The following ZDHHC19 variants were observed in gnomAD, a reference collection of about 807,000 sequenced individuals.
The protein encoded by ZDHHC19 is zDHHC palmitoyltransferase 19.
ZDHHC19 carries 30 observed loss-of-function variants against 33.9 expected under a neutral mutation model. The ratio of observed to expected loss-of-function variants is 0.88; its 90% CI spans 0.66 to 1.20. ZDHHC19 has a LOEUF of 1.20. Ranked by LOEUF, ZDHHC19 falls within the 50% of genes most tolerant of loss-of-function variation. The pLI is 0.00. For missense variants in ZDHHC19, 364 were observed against 401.1 expected, an observed-to-expected ratio of 0.91 and a Z score of 0.79; for synonymous variants, 178 against 167.6, an observed-to-expected ratio of 1.06 and a Z score of -0.48.
intron 5 of ZDHHC19, among the ~76,000 whole-genome samples, chr3:196,200,236 C>A (rs1722154526): frequency 1.3e-5 from 2 of 150,722 alleles, no homozygotes; most frequent in South Asian, 4.2e-4. Context: ...GATTACGCCA[C>A]TGCACTCCAG....
chr3:196,198,953 G>C (rs1722024995), intron 5 of ZDHHC19, 79 bp from the exon 6 acceptor site: 2 of 1,453,812 alleles, frequency 1.4e-6, no homozygotes, highest in South Asian at 2.3e-5. Context: ...CCCTCCCTGA[G>C]CTGGTCAGCT....
chr3:196,210,539 G>T (rs6795707), intron 2 of ZDHHC19, 77 bp downstream of exon 2: 240,332 of 1,596,488 alleles, frequency 0.15, 20,077 homozygotes, highest in East Asian at 0.34. Context: ...TCAGTAGGAA[G>T]AGCACTTTAG....
intron 4 of ZDHHC19, among the ~76,000 whole-genome samples, chr3:196,207,931 T>TTTTTC (rs778723700): frequency 1.6e-4 from 20 of 123,792 alleles, no homozygotes; most frequent in South Asian, 2.7e-4. Flanking sequence ...GCCAGATTCC[T>TTTTTC]TTTTCTTTTC....
intron 5 of ZDHHC19, chr3:196,202,228 G>A (rs9861052): frequency 0.17 from 26,474 of 152,060 alleles, 2,826 homozygotes; most frequent in East Asian, 0.43. Context: ...GGCTGAGGCC[G>A]GAGAATCACT....
intron 5 of ZDHHC19, among the ~76,000 whole-genome samples, chr3:196,200,601 A>C (rs545705213): frequency 6.8e-6 from 1 of 146,524 alleles, no homozygotes; most frequent in East Asian, 2.0e-4. Flanking sequence ...TGATCCGCCC[A>C]CCTTGGCCTC....
intron 4 of ZDHHC19, 52 bp downstream of exon 4, chr3:196,208,336 C>G (rs12497404): frequency 0.54 from 858,660 of 1,578,844 alleles, 235,232 homozygotes; most frequent in South Asian, 0.59. Context: ...CTCTGCAGCC[C>G]CCTCCTTGGC....
chr3:196,208,416 G>A lies in ZDHHC19; in HGVS notation c.553C>T (p.Leu185=), dbSNP rs377570322. 2 of 1,614,002 alleles carry A rather than the reference G, an allele frequency of 1.2e-6. No homozygotes were observed. The highest frequency in any genetic ancestry group is 2.7e-5 in the African/African-American group (2 of 74,934). ...ATGGCCTTGTCGGTGGAGAAGGGCA[G>A]GTGGGTTGTGCGCACCAGGAAGATG... ...CLIFLVRTTH[L]PFSTDKAIAI... is the part of the protein sequence containing the mutation. The change falls in exon 4 of 8, where the codon CTG becomes TTG. Residue 185 remains leucine, a synonymous_variant. Coordinates refer to ENST00000296326, the MANE Select transcript of ZDHHC19 (RefSeq NM_001039617.2).
At chr3:196,207,533 AC>A in intron 4 of ZDHHC19, 30 bp from the exon 5 acceptor site, 3 of 1,503,840 alleles carry the variant, frequency 2.0e-6, no homozygotes, top group Non-Finnish European at 8.9e-7. Flanking sequence ...GGGCTGCGGG[AC>A]CCCCACGCCT....
At chr3:196,199,859 C>G (rs564071042) in intron 5 of ZDHHC19, among the ~76,000 whole-genome samples, 2 of 151,954 alleles carry the variant, frequency 1.3e-5, no homozygotes, top group African/African-American at 2.4e-5. Flanking sequence ...ACAGAAGAAT[C>G]GCTTGAACCC....
chr3:196,210,979 C>G (rs866419779), intron 1 of ZDHHC19, among the ~76,000 whole-genome samples, 191 bp downstream of exon 1: 1 of 151,170 alleles, frequency 6.6e-6, no homozygotes, highest in African/African-American at 2.4e-5. Context: ...GTTCCTGGAA[C>G]AGAATATCCC....
rs115926339 is a variant in ZDHHC19, at chr3:196,203,310, A to G, written c.687+4088T>C. ...AGAGAAATTGAACGGTATTAATAGT[A>G]GCGACATCTAGAGCACTCACTTGTA... is the stretch of plus-strand genomic sequence containing the variant. On this transcript the variant is annotated intron_variant, in intron 5 of 7. Transcript: ENST00000296326. This position sits in a 1 kb window ranked among gnomAD's most constrained non-coding sequence, Gnocchi z 4.3. Among the ~76,000 whole-genome samples the G allele has an allele frequency of 6.6e-6, 1 of 152,330 alleles. No individual in the cohort carries two copies. The highest frequency in any genetic ancestry group is 2.4e-5 in the African/African-American group (1 of 41,584).
intron 3 of ZDHHC19, 126 bp from the exon 4 acceptor site, chr3:196,208,686 A>AC: frequency 9.1e-7 from 1 of 1,100,790 alleles, no homozygotes; most frequent in Non-Finnish European, 1.3e-6. Context: ...ACTGGCTTCC[A>AC]CCCCCAGGGA....
At chr3:196,201,532 G>A (rs1422459793) in intron 5 of ZDHHC19, among the ~76,000 whole-genome samples, 1 of 151,930 alleles carries the variant, frequency 6.6e-6, no homozygotes, top group Non-Finnish European at 1.5e-5. Context: ...AGACCAGCCT[G>A]GCCAACATGG....
chr3:196,198,232 C>A (rs2280530), intron 7 of ZDHHC19, 44 bp downstream of exon 7: 8 of 1,428,692 alleles, frequency 5.6e-6, no homozygotes, highest in East Asian at 5.0e-5. Context: ...CAGACACCCC[C>A]CTCCCGACAC....
At chr3:196,204,770 T>C (rs1394075443) in intron 5 of ZDHHC19, among the ~76,000 whole-genome samples, 1 of 152,082 alleles carries the variant, frequency 6.6e-6, no homozygotes, top group Admixed American at 6.6e-5. Context: ...GAATGCAAAA[T>C]AGTACCACTA....
rs13315830 is a variant in ZDHHC19 at position 196,210,687 on chromosome 3, C to T, written c.197G>A (p.Gly66Asp). ...NGEWAFPVIT[G>D]SLFVLTFFSL... ...GAAGAAGGTAAGGACAAAGAGGGAG[C>T]CTGTGATAACAGGAAAGGCCCACTC... Residue 66 changes from glycine (G) to aspartate (D), a missense_variant, in exon 2 of 8, where the codon GGC becomes GAC. Gly to Asp is a moderately conservative substitution (Grantham distance 94). Coordinates refer to ENST00000296326, the MANE Select transcript of ZDHHC19 (RefSeq NM_001039617.2). 1.9e-5 allele frequency: 31 copies of T among 1,613,982 alleles called. No homozygotes were observed. The highest frequency in any genetic ancestry group is 2.5e-5 in the Non-Finnish European group (30 of 1,179,984).
intron 5 of ZDHHC19, among the ~76,000 whole-genome samples, chr3:196,200,644 A>G (rs544233766): frequency 0.015 from 2,013 of 137,910 alleles, 35 homozygotes; most frequent in South Asian, 0.047. Flanking sequence ...GTGAGCCACC[A>G]CGCCTGGCCT....
intron 5 of ZDHHC19, among the ~76,000 whole-genome samples, chr3:196,204,792 A>C (rs1722605191): frequency 6.6e-6 from 1 of 152,200 alleles, no homozygotes; most frequent in African/African-American, 2.4e-5. Flanking sequence ...TTTGGAAGAC[A>C]ATTTGGCAAT....
At chr3:196,206,674 C>A (rs1039713216) in intron 5 of ZDHHC19, among the ~76,000 whole-genome samples, 1 of 124,110 alleles carries the variant, frequency 8.1e-6, no homozygotes, top group Non-Finnish European at 1.6e-5. Context: ...CTTTTCTTTT[C>A]TTTTCTTTTT....
Sources: allele counts gnomAD v4.1 joint callset (sites outside exome capture counted in the v4.1 genomes callset), GRCh38; gene constraint gnomAD v4.1.1; non-coding constraint Gnocchi (gnomAD v3.1); transcripts MANE v1.5; gene names NCBI Gene and HGNC (gene_info 2026-07-23, HGNC 2026-07-21).